UPF2: variants seen among roughly 807,000 people sequenced by gnomAD.
UPF2 encodes the protein UPF2 regulator of nonsense mediated mRNA decay.
UPF2 carries 17 observed loss-of-function variants against 141.4 expected under a neutral mutation model. The ratio of observed to expected loss-of-function variants is 0.12; its 90% confidence interval spans 0.08 to 0.18. UPF2 has a LOEUF of 0.18. Among genes scored for constraint, UPF2 ranks in the 10% least tolerant of loss-of-function variants. The probability of loss-of-function intolerance (pLI) is 1.00; values close to 1 mark genes in which losing one functional copy is unlikely to be tolerated. For missense variants in UPF2, 1,152 were observed against 1,515.9 expected (o/e 0.76, Z 3.99); for synonymous variants, 540 against 498.0 (o/e 1.08, Z -1.12).
chr10:11,959,251 C>T lies in UPF2; in HGVS notation c.2290G>A (p.Val764Met), dbSNP rs747564419. ...TGGAGAGGAGGACGTTTCTTTTTCACGGTTTTTTCAGCTGGAGGTGGGTTG... is the reference window on the plus strand; with the variant it reads ...TGGAGAGGAGGACGTTTCTTTTTCATGGTTTTTTCAGCTGGAGGTGGGTTG... Reference protein sequence around the residue: ...YCNPPPAEKTVKKKRPPLQEY... With the variant: ...YCNPPPAEKTMKKKRPPLQEY... The change falls in exon 12 of 22, where the codon GTG (valine) becomes ATG (methionine). Residue 764 changes from valine (V) to methionine (M), a missense_variant. Physicochemically the swap from Val to Met is conservative, Grantham distance 21. Transcript: ENST00000357604. The surrounding 1 kb of genome is among the most constrained non-coding windows in gnomAD (Gnocchi z 5.9). 7.4e-6 allele frequency: 12 copies of T among 1,613,342 alleles called. No individual in the cohort carries two copies. The highest frequency in any genetic ancestry group is 2.2e-5 in the South Asian group (2 of 91,020).
intron 1 of UPF2, among the ~76,000 whole-genome samples, chr10:12,038,172 C>A (rs1834666612): frequency 6.6e-6 from 1 of 152,098 alleles, no homozygotes; most frequent in Non-Finnish European, 1.5e-5. Context: ...CACCTGAAGT[C>A]AGGAGTTTGA....
intron 18 of UPF2, among the ~76,000 whole-genome samples, chr10:11,941,421 A>G (rs1425544395): frequency 1.3e-5 from 2 of 152,252 alleles, no homozygotes; most frequent in Non-Finnish European, 2.9e-5. Flanking sequence ...TAAAGAAAGA[A>G]GATCACCTAA....
At position 12,014,990 on chromosome 10, in the gene UPF2, T is replaced by C. The variant is rs1369432896; in HGVS notation, c.1146-806A>G. Among the ~76,000 whole-genome samples the C allele has an allele frequency of 1.3e-5, 2 of 152,148 alleles. No individual in the cohort carries two copies. Among genetic ancestry groups the C allele is most frequent in the Admixed American group, 6.6e-5 (1 of 15,248 alleles). On this transcript the variant is annotated intron_variant, in intron 3 of 21. Transcript: ENST00000357604. This position sits in a 1 kb window ranked among gnomAD's most constrained non-coding sequence, Gnocchi z 5.0. Reference sequence around the variant, plus strand: ...ACACCAATAAGCCCCTAACTACAAATGCAAAACTACTGAAAACACCAAAAT... The same window carrying C: ...ACACCAATAAGCCCCTAACTACAAACGCAAAACTACTGAAAACACCAAAAT...
chr10:11,936,397 C>CA lies in UPF2; in HGVS notation c.3546+147dup, dbSNP rs57896406. ...ACAAAAACAAAAACAAAAACAAAAA[C>CA]AAAAAAAACTATATAAGGGAAGAAA... On this transcript the variant is annotated intron_variant, in intron 19 of 21. Transcript: ENST00000357604. The surrounding 1 kb of genome is among the most constrained non-coding windows in gnomAD (Gnocchi z 6.6). The CA allele has an allele frequency of 3.5e-4, 298 of 859,146 alleles. 1 individual carries two copies. In the African/African-American group the frequency reaches 4.2e-3, roughly 12 times the overall value. The allele number at this position is 859,146 out of a possible 1,614,324, so 53.2% of individuals were successfully genotyped here.
chr10:11,984,744 A>C (rs188526013), intron 8 of UPF2, among the ~76,000 whole-genome samples: 4 of 147,098 alleles, frequency 2.7e-5, no homozygotes, highest in African/African-American at 5.0e-5. Flanking sequence ...AAAGAGTCTC[A>C]CTCTGTTGCC....
chr10:11,938,853 G>GTTTTTTTTTTTTTTTTTTTT lies in UPF2; in HGVS notation c.3379-2161_3379-2142dup, dbSNP rs58106776. Among the ~76,000 whole-genome samples the GTTTTTTTTTTTTTTTTTTTT allele has an allele frequency of 3.4e-3, 269 of 79,826 alleles. 60 individuals are homozygous for GTTTTTTTTTTTTTTTTTTTT. The highest frequency in any genetic ancestry group is 4.8e-3 in the Admixed American group (28 of 5,832). 52.4% of individuals were successfully genotyped at this position (79,826 alleles called of 152,430 possible). On this transcript the variant is annotated intron_variant, in intron 18 of 21. Coordinates refer to ENST00000357604, the MANE Select transcript of UPF2 (RefSeq NM_015542.4). ...GTGGTCTTAAGCAAGTTTTTTTTTT[G>GTTTTTTTTTTTTTTTTTTTT]TTTTTTTTTTTTTTTTTTTTTTTTT...
upstream of UPF2, chr10:12,042,918 G>C (rs1360320303): frequency 6.6e-6 from 1 of 152,036 alleles, no homozygotes; most frequent in Non-Finnish European, 1.5e-5. This position sits in a 1 kb window ranked among gnomAD's most constrained non-coding sequence, Gnocchi z 5.5. Context: ...ACTCACCAGC[G>C]CGGCCGGGCT....
chr10:11,986,226 T>C (rs1265264152), intron 8 of UPF2, among the ~76,000 whole-genome samples: 2 of 152,116 alleles, frequency 1.3e-5, no homozygotes, highest in Non-Finnish European at 2.9e-5. Context: ...TCTCATAAGA[T>C]GGCGAAAATT....
At chr10:11,976,962 C>T (rs960601354) in intron 9 of UPF2, among the ~76,000 whole-genome samples, 1 of 152,116 alleles carries the variant, frequency 6.6e-6, no homozygotes, top group Non-Finnish European at 1.5e-5. Context: ...AGAACAGTTG[C>T]GTAAGTTGGC....
rs1339453441 is a variant in UPF2, at chr10:11,935,754, C to T, written c.3546+791G>A. Among the ~76,000 whole-genome samples, 5 of 152,158 alleles carry T rather than the reference C, an allele frequency of 3.3e-5. No individual in the cohort carries two copies. The highest frequency in any genetic ancestry group is 7.3e-5 in the Non-Finnish European group (5 of 68,030). ...ACATTGTTCTGTTTATCACTGTAGCCTCAGGACCTGAAATAGAATAGTACC... is the reference window on the plus strand; with the variant it reads ...ACATTGTTCTGTTTATCACTGTAGCTTCAGGACCTGAAATAGAATAGTACC... On this transcript the variant is annotated intron_variant, in intron 19 of 21. Transcript: ENST00000357604. This position sits in a 1 kb window ranked among gnomAD's most constrained non-coding sequence, Gnocchi z 4.9.
Position 11,938,861 on chromosome 10 carries a change from T to TTTTTTTG in UPF2, c.3379-2150_3379-2149insCAAAAAA, listed in dbSNP as rs1564337820. Among the ~76,000 whole-genome samples the TTTTTTTG allele has an allele frequency of 2.7e-3, 198 of 72,980 alleles. 7 individuals carry two copies. The highest frequency in any genetic ancestry group is 4.3e-3 in the Non-Finnish European group (171 of 40,176). The allele number at this position is 72,980 out of a possible 152,430, so 47.9% of individuals were successfully genotyped here. A position where few individuals can be genotyped will look rare whatever the true frequency, so the allele number is the denominator to read the frequency against. ...AAGCAAGTTTTTTTTTTGTTTTTTT[T>TTTTTTTG]TTTTTTTTTTTTTTTTTTTTTGGAG... On this transcript the variant is annotated intron_variant, in intron 18 of 21. Transcript: ENST00000357604.
At chr10:11,985,385 C>G (rs2131238889) in intron 8 of UPF2, among the ~76,000 whole-genome samples, 1 of 152,214 alleles carries the variant, frequency 6.6e-6, no homozygotes, top group South Asian at 2.1e-4. Flanking sequence ...CGCCTGTAAT[C>G]CCAGCACTTT....
Position 11,931,826 on chromosome 10 carries a change from T to A in UPF2, c.3547-44A>T. The stretch of plus-strand genomic sequence containing the variant: ...GGAGTTACAAATAGTTTGAGAACAC[T>A]GAGAGAAAGAAAAAACAGACTTCAA... On this transcript the variant is annotated intron_variant, in intron 19 of 21. Coordinates refer to ENST00000357604, the MANE Select transcript of UPF2 (RefSeq NM_015542.4). The surrounding 1 kb of genome is among the most constrained non-coding windows in gnomAD (Gnocchi z 5.9). The A allele has an allele frequency of 6.4e-7, 1 of 1,562,822 alleles. No individual in the cohort carries two copies. Among genetic ancestry groups the A allele is most frequent in the Admixed American group, 2.1e-5 (1 of 47,078 alleles).
intron 9 of UPF2, among the ~76,000 whole-genome samples, chr10:11,975,272 C>T (rs1368620201): frequency 6.6e-6 from 1 of 152,068 alleles, no homozygotes; most frequent in South Asian, 2.1e-4. Flanking sequence ...TAAAACAAAA[C>T]AAAAAGCTGT....
rs74899033 is a variant in UPF2, at chr10:11,965,259, T to C, written c.2068-1134A>G. 3.2e-3 allele frequency among the ~76,000 whole-genome samples: 486 copies of C among 152,258 alleles called. 5 individuals carry two copies. The highest frequency in any genetic ancestry group is 0.011 in the African/African-American group (469 of 41,552). On this transcript the variant is annotated intron_variant, in intron 10 of 21. Transcript: ENST00000357604. The stretch of plus-strand genomic sequence containing the variant: ...ATTCTTCCTATATATTTTTAAGAAT[T>C]AGTACAAAGAAATACACCAATACAT...
rs1043087596 is a variant in UPF2 at position 11,931,916 on chromosome 10, C to T, written c.3547-134G>A. On this transcript the variant is annotated intron_variant, in intron 19 of 21. Transcript: ENST00000357604. This position sits in a 1 kb window ranked among gnomAD's most constrained non-coding sequence, Gnocchi z 5.9. ...CTGTAATCCCAGCACTTTGGGAGGC[C>T]GAGGCGGGCGGATCACGAGGTCAAG... 15 of 887,910 alleles carry T rather than the reference C, an allele frequency of 1.7e-5. No individual in the cohort carries two copies. The highest frequency in any genetic ancestry group is 3.0e-4 in the Middle Eastern group (1 of 3,286). 55.0% of individuals were successfully genotyped at this position (887,910 alleles called of 1,614,324 possible). A position where few individuals can be genotyped will look rare whatever the true frequency, so the allele number is the denominator to read the frequency against.
rs2131193793 is a variant in UPF2, at chr10:11,959,065, A to G, written c.2370+106T>C. On this transcript the variant is annotated intron_variant, in intron 12 of 21. Coordinates refer to ENST00000357604, the MANE Select transcript of UPF2 (RefSeq NM_015542.4). This position sits in a 1 kb window ranked among gnomAD's most constrained non-coding sequence, Gnocchi z 5.9. ...TAGGGTGACTTACACAGAGCTGATTATAAAGGAACTTGAGCTCTACCCCCA... is the reference window on the plus strand; with the variant it reads ...TAGGGTGACTTACACAGAGCTGATTGTAAAGGAACTTGAGCTCTACCCCCA... 8 of 1,078,208 alleles carry G rather than the reference A, an allele frequency of 7.4e-6. No homozygotes were observed. The East Asian group carries it at 2.1e-4, about 29-fold the overall frequency. 66.8% of individuals were successfully genotyped at this position (1,078,208 alleles called of 1,614,324 possible). A position where few individuals can be genotyped will look rare whatever the true frequency, so the allele number is the denominator to read the frequency against.
At position 11,940,645 on chromosome 10, in the gene UPF2, G is replaced by A. The variant is rs1832925618; in HGVS notation, c.3378+2020C>T. Reference sequence around the variant, plus strand: ...CCTACACACCCATATCCAATCCAGCGCCAAATAAGCCAGGTCGTTCTACCT... The same window carrying A: ...CCTACACACCCATATCCAATCCAGCACCAAATAAGCCAGGTCGTTCTACCT... On this transcript the variant is annotated intron_variant, in intron 18 of 21. Coordinates refer to ENST00000357604, the MANE Select transcript of UPF2 (RefSeq NM_015542.4). The surrounding 1 kb of genome is among the most constrained non-coding windows in gnomAD (Gnocchi z 4.2). Among the ~76,000 whole-genome samples, 1 of 152,066 alleles carries A rather than the reference G, an allele frequency of 6.6e-6. No individual in the cohort carries two copies. Among genetic ancestry groups the A allele is most frequent in the African/African-American group, 2.4e-5 (1 of 41,390 alleles).
intron 1 of UPF2, among the ~76,000 whole-genome samples, chr10:12,040,327 CA>C (rs1475367494): frequency 7.9e-5 from 12 of 152,112 alleles, no homozygotes; most frequent in Non-Finnish European, 8.8e-5. Context: ...GAGGCTGAGG[CA>C]GGAGAATCAC....
Sources: allele counts gnomAD v4.1 joint callset (sites outside exome capture counted in the v4.1 genomes callset), GRCh38; gene constraint gnomAD v4.1.1; non-coding constraint Gnocchi (gnomAD v3.1); transcripts MANE v1.5; gene names NCBI Gene and HGNC (gene_info 2026-07-23, HGNC 2026-07-21).